The following TNRC6A variants were observed in gnomAD, a reference collection of about 807,000 sequenced individuals.
TNRC6A encodes trinucleotide repeat containing adaptor 6A, also known as trinucleotide repeat-containing gene 6A protein.
TNRC6A carries 44 observed loss-of-function variants against 221.2 expected under a neutral mutation model. The ratio of observed to expected loss-of-function variants is 0.20; its 90% CI spans 0.16 to 0.26. The LOEUF is 0.26. Ranked by LOEUF, TNRC6A falls within the 10% of genes least tolerant of loss-of-function variation. The probability of loss-of-function intolerance (pLI) is 1.00; values close to 1 mark genes in which losing one functional copy is unlikely to be tolerated. For missense variants in TNRC6A, 2,199 were observed against 2,404.4 expected, an observed-to-expected ratio of 0.91 and a Z score of 1.79; for synonymous variants, 847 against 838.5, an observed-to-expected ratio of 1.01 and a Z score of -0.18.
In TNRC6A at chr16:24,805,616, A is replaced by T; in HGVS notation, c.4134A>T (p.Ser1378=). The T allele has an allele frequency of 6.2e-7, 1 of 1,614,152 alleles. No homozygotes were observed. The highest frequency in any genetic ancestry group is 8.5e-7 in the Non-Finnish European group (1 of 1,180,008). The part of the protein sequence containing the change: ...PPLLSPQVPV[S]LLKYAPNNGG... ...ATTGTGATCCTAAGGTTCCAGTTTC[A>T]TTGCTGAAGTATGCACCAAACAACG... Residue 1378 remains serine (S), a synonymous_variant, in exon 15 of 25, where the codon TCA becomes TCT. Coordinates refer to ENST00000395799, the MANE Select transcript of TNRC6A (RefSeq NM_014494.4).
rs909870118 is a variant in TNRC6A at position 24,747,813 on chromosome 16, G to A, written c.54-2913G>A. Among the ~76,000 whole-genome samples the A allele has an allele frequency of 1.6e-4, 24 of 152,186 alleles. No individual in the cohort carries two copies. In the East Asian group the frequency reaches 4.4e-3, roughly 28 times the overall value. On this transcript the variant is annotated intron_variant, in intron 2 of 24. Coordinates refer to ENST00000395799, the MANE Select transcript of TNRC6A (RefSeq NM_014494.4). ...TGGTACATCTTTTAAGTACTAAAGG[G>A]GATATTTTTGGCCAGGAAAACACTT...
intron 6 of TNRC6A, 81 bp downstream of exon 6, chr16:24,791,898 G>A (rs1216898716): frequency 3.7e-6 from 5 of 1,359,364 alleles, no homozygotes; most frequent in South Asian, 3.6e-5. Context: ...ACTTGGATAT[G>A]CACACAAAGG....
At chr16:24,619,656 A>C (rs1352134763) in intron 1 of TNRC6A, among the ~76,000 whole-genome samples, 7 of 152,158 alleles carry the variant, frequency 4.6e-5, no homozygotes, top group Non-Finnish European at 4.4e-5. Flanking sequence ...ATACTCTTGC[A>C]CTGGAAGATG....
chr16:24,765,485 T>C (rs1250645508), intron 4 of TNRC6A, among the ~76,000 whole-genome samples: 1 of 152,198 alleles, frequency 6.6e-6, no homozygotes, highest in Admixed American at 6.5e-5. Context: ...TTCTCCACAG[T>C]CTACATAGTA....
At position 24,823,801 on chromosome 16, in the gene TNRC6A, C is replaced by T; in HGVS notation, c.5883C>T (p.Ser1961=). The T allele has an allele frequency of 6.8e-7, 1 of 1,461,340 alleles. No homozygotes were observed. The highest frequency in any genetic ancestry group is 9.0e-7 in the Non-Finnish European group (1 of 1,105,484). 90.5% of individuals were successfully genotyped at this position (1,461,340 alleles called of 1,614,324 possible). A position where few individuals can be genotyped will look rare whatever the true frequency, so the allele number is the denominator to read the frequency against. Residue 1961 remains serine, a synonymous_variant, in exon 25 of 25, where the codon TCC becomes TCT. Coordinates refer to ENST00000395799, the MANE Select transcript of TNRC6A (RefSeq NM_014494.4). This position sits in a 1 kb window ranked among gnomAD's most constrained non-coding sequence, Gnocchi z 4.3. The part of the protein sequence containing the change: ...SVDHLGGGGE[S]M ...ACCACCTGGGTGGGGGTGGAGAGTC[C>T]ATGTAACAGTGTAGATGCAGACTCA... is the stretch of plus-strand genomic sequence containing the variant.
chr16:24,744,197 C>T lies in TNRC6A; in HGVS notation c.54-6529C>T, dbSNP rs529871441. ...TAGTACAGAATTGATGTGGTGTTCT[C>T]AGTACATCATGTCAGGAGATGCCTG... On this transcript the variant is annotated intron_variant, in intron 2 of 24. Coordinates refer to ENST00000395799, the MANE Select transcript of TNRC6A (RefSeq NM_014494.4). Among the ~76,000 whole-genome samples the T allele has an allele frequency of 1.3e-4, 20 of 152,280 alleles. No homozygotes were observed. In the South Asian group the frequency reaches 3.5e-3, roughly 27 times the overall value.
At chr16:24,688,745 C>T (rs2055691647) in intron 2 of TNRC6A, among the ~76,000 whole-genome samples, 2 of 152,176 alleles carry the variant, frequency 1.3e-5, no homozygotes, top group African/African-American at 2.4e-5. Context: ...GCTGCTTTCT[C>T]TCTATGAGCC....
At chr16:24,758,314 T>C (rs1171878477) in intron 3 of TNRC6A, 25 bp from the exon 4 acceptor site, 15 of 1,599,496 alleles carry the variant, frequency 9.4e-6, no homozygotes, top group Non-Finnish European at 1.3e-5. Context: ...TTACATTGTT[T>C]TTTGTTTGTT....
At chr16:24,810,201 ATTGTC>A (rs768566189) in intron 18 of TNRC6A, among the ~76,000 whole-genome samples, 6 of 152,154 alleles carry the variant, frequency 3.9e-5, no homozygotes, top group African/African-American at 1.4e-4. Context: ...ATTTAACAGT[ATTGTC>A]TTTTCAGCAA....
chr16:24,700,307 C>T (rs980376380), intron 2 of TNRC6A, among the ~76,000 whole-genome samples: 2 of 151,884 alleles, frequency 1.3e-5, no homozygotes, highest in Admixed American at 1.3e-4. Context: ...GCGATCTTGG[C>T]TCACTGCAAT....
intron 2 of TNRC6A, among the ~76,000 whole-genome samples, chr16:24,643,079 T>TTA (rs1491514204): frequency 2.1e-4 from 26 of 124,488 alleles, no homozygotes; most frequent in African/African-American, 3.7e-4. Context: ...TATATATATA[T>TTA]TATATATATA....
At chr16:24,649,798 C>T (rs567374583) in intron 2 of TNRC6A, among the ~76,000 whole-genome samples, 2 of 149,248 alleles carry the variant, frequency 1.3e-5, no homozygotes, top group Admixed American at 1.3e-4. Flanking sequence ...CATCCCCCAG[C>T]TTCCAGTCTC....
At chr16:24,754,272 T>C (rs1299601578) in intron 3 of TNRC6A, among the ~76,000 whole-genome samples, 2 of 152,214 alleles carry the variant, frequency 1.3e-5, no homozygotes, top group Non-Finnish European at 2.9e-5. Context: ...ATTTTCGTTT[T>C]GATAGTTTTT....
chr16:24,825,905 T>G lies in TNRC6A; in HGVS notation c.*2098T>G, dbSNP rs1353371676. Reference sequence around the variant, plus strand: ...CCTGCAGGAGCTCGGGGGCGAAACCTGTGTATGGATTTCAGTGTATGACTT... The same window carrying G: ...CCTGCAGGAGCTCGGGGGCGAAACCGGTGTATGGATTTCAGTGTATGACTT... On this transcript the variant is annotated 3_prime_UTR_variant, in exon 25 of 25. Coordinates refer to ENST00000395799, the MANE Select transcript of TNRC6A (RefSeq NM_014494.4). 1 of 152,702 alleles carries G rather than the reference T, an allele frequency of 6.5e-6. No individual in the cohort carries two copies. The highest frequency in any genetic ancestry group is 1.5e-5 in the Non-Finnish European group (1 of 68,056). 9.5% of individuals were successfully genotyped at this position (152,702 alleles called of 1,614,324 possible).
In TNRC6A at chr16:24,806,182, A is replaced by G; in HGVS notation, c.4252-24A>G. ...ACTTTGTAATGGTGTGATAGTAACA[A>G]CCTTTTCGCTATCTTTCCTCTAGCG... is the stretch of plus-strand genomic sequence containing the variant. On this transcript the variant is annotated intron_variant, in intron 15 of 24. Transcript: ENST00000395799. 4.3e-6 allele frequency: 7 copies of G among 1,613,288 alleles called. No homozygotes were observed. In the South Asian group the frequency reaches 5.5e-5, roughly 13 times the overall value.
intron 4 of TNRC6A, among the ~76,000 whole-genome samples, chr16:24,774,819 T>G (rs556669318): frequency 3.3e-5 from 5 of 152,344 alleles, no homozygotes; most frequent in Admixed American, 2.6e-4. Context: ...GATGTTCAAG[T>G]CCCTTATATA....
intron 2 of TNRC6A, among the ~76,000 whole-genome samples, chr16:24,740,347 G>A (rs1300395090): frequency 1.3e-5 from 2 of 152,180 alleles, no homozygotes; most frequent in African/African-American, 2.4e-5. Context: ...CAGCAAAAAG[G>A]CAGCTGAGAT....
Position 24,777,642 on chromosome 16 carries a change from G to C in TNRC6A, c.589+284G>C, listed in dbSNP as rs117607911. On this transcript the variant is annotated intron_variant, in intron 5 of 24. Transcript: ENST00000395799. ...ACTATAAGACTGTAGCTAAAATTGA[G>C]CACCCTTCCCCCCAGGCCATGTGCT... 3.8e-3 allele frequency among the ~76,000 whole-genome samples: 582 copies of C among 152,170 alleles called. 3 individuals are homozygous for C. Among genetic ancestry groups the C allele is most frequent in the Middle Eastern group, 6.8e-3 (2 of 294 alleles).
At chr16:24,624,542 A>G (rs1000332779) in intron 1 of TNRC6A, among the ~76,000 whole-genome samples, 1 of 152,136 alleles carries the variant, frequency 6.6e-6, no homozygotes, top group East Asian at 1.9e-4. Context: ...GCACTGGTGC[A>G]ATCATGGCTC....
Sources: allele counts gnomAD v4.1 joint callset (sites outside exome capture counted in the v4.1 genomes callset), GRCh38; gene constraint gnomAD v4.1.1; non-coding constraint Gnocchi (gnomAD v3.1); transcripts MANE v1.5; gene names NCBI Gene and HGNC (gene_info 2026-07-23, HGNC 2026-07-21).